The following CSTPP1 variants were observed in gnomAD, a reference collection of about 807,000 sequenced individuals.
The protein encoded by CSTPP1 is UPF0705 protein C11orf49.
At chr11:47,129,417 C>T in the CSTPP1 span, among the ~76,000 whole-genome samples, 17 of 152,154 alleles carry the variant, frequency 1.1e-4, no homozygotes, top group Admixed American at 4.6e-4. Context: ...TAGCTAGCCC[C>T]GTTGCTACTA....
the CSTPP1 span, among the ~76,000 whole-genome samples, chr11:47,073,404 GA>G: frequency 6.6e-6 from 1 of 152,174 alleles, no homozygotes; most frequent in African/African-American, 2.4e-5. Flanking sequence ...CATCGAAAAT[GA>G]AGATTAGGCT....
the CSTPP1 span, among the ~76,000 whole-genome samples, chr11:46,973,780 ATG>A: frequency 2.7e-5 from 4 of 150,692 alleles, no homozygotes; most frequent in East Asian, 1.9e-4. Context: ...TGGAGGGTGT[ATG>A]TGTGTGTGTG....
At chr11:47,105,371 G>A in the CSTPP1 span, among the ~76,000 whole-genome samples, 2 of 152,070 alleles carry the variant, frequency 1.3e-5, no homozygotes, top group African/African-American at 4.8e-5. Context: ...GTTGGGCGTG[G>A]TAGCCTGTAT....
At chr11:47,098,452 A>G in the CSTPP1 span, among the ~76,000 whole-genome samples, 2 of 151,828 alleles carry the variant, frequency 1.3e-5, no homozygotes, top group Non-Finnish European at 2.9e-5. Context: ...CCAGAGGCTT[A>G]GGAAAGACCT....
chr11:47,087,126 G>A, the CSTPP1 span, among the ~76,000 whole-genome samples: 1 of 152,164 alleles, frequency 6.6e-6, no homozygotes, highest in East Asian at 1.9e-4. Context: ...CTCCAGGAGT[G>A]TAAATCTGGA....
At chr11:47,118,168 G>A in the CSTPP1 span, among the ~76,000 whole-genome samples, 2 of 151,966 alleles carry the variant, frequency 1.3e-5, no homozygotes, top group Admixed American at 6.6e-5. Flanking sequence ...GTGAGCCACC[G>A]CGCCTGGCCT....
the CSTPP1 span, among the ~76,000 whole-genome samples, chr11:47,014,322 AAAAG>A: frequency 6.6e-6 from 1 of 151,642 alleles, no homozygotes; most frequent in Non-Finnish European, 1.5e-5. Flanking sequence ...AAGAAAGAGT[AAAAG>A]AGAGAAAGAA....
chr11:47,161,808 G>A, the CSTPP1 span: 74 of 1,405,772 alleles, frequency 5.3e-5, no homozygotes, highest in Non-Finnish European at 6.6e-5. Flanking sequence ...CCCAGCCAGT[G>A]GCCCCGGAAG....
the CSTPP1 span, among the ~76,000 whole-genome samples, chr11:46,973,780 A>ATGTGTGTGTG: frequency 0.27 from 40,546 of 150,580 alleles, 9,900 homozygotes; most frequent in African/African-American, 0.66. Flanking sequence ...TGGAGGGTGT[A>ATGTGTGTGTG]TGTGTGTGTG....
chr11:47,005,031 A>ACT, the CSTPP1 span, among the ~76,000 whole-genome samples: 44 of 152,176 alleles, frequency 2.9e-4, no homozygotes, highest in African/African-American at 1.0e-3. Context: ...TCATCTGCAC[A>ACT]CTCTCATACT....
At chr11:46,947,243 T>C in the CSTPP1 span, among the ~76,000 whole-genome samples, 4 of 152,338 alleles carry the variant, frequency 2.6e-5, no homozygotes, top group South Asian at 2.1e-4. Context: ...GTGATATGCT[T>C]TGATTAAGAC....
At chr11:46,988,263 T>TAA in the CSTPP1 span, among the ~76,000 whole-genome samples, 1 of 152,216 alleles carries the variant, frequency 6.6e-6, no homozygotes, top group East Asian at 1.9e-4. Flanking sequence ...TCAGTACTCC[T>TAA]ATGTTTGTTA....
At chr11:47,035,402 A>T in the CSTPP1 span, among the ~76,000 whole-genome samples, 1 of 152,220 alleles carries the variant, frequency 6.6e-6, no homozygotes, top group Admixed American at 6.5e-5. Context: ...ACCATGAGAG[A>T]TCACTTTTTA....
the CSTPP1 span, among the ~76,000 whole-genome samples, chr11:46,953,810 C>T: frequency 6.6e-6 from 1 of 152,048 alleles, no homozygotes; most frequent in Non-Finnish European, 1.5e-5. Context: ...CTTCACATGG[C>T]GTAATTAAAT....
chr11:46,998,991 CG>C, the CSTPP1 span, among the ~76,000 whole-genome samples: 15 of 152,052 alleles, frequency 9.9e-5, no homozygotes, highest in African/African-American at 3.4e-4. Flanking sequence ...CCGCCTGCCT[CG>C]GCCTTCCAAA....
the CSTPP1 span, among the ~76,000 whole-genome samples, chr11:47,063,068 A>G: frequency 1.2e-4 from 18 of 152,304 alleles, no homozygotes; most frequent in Non-Finnish European, 1.5e-4. Flanking sequence ...TATAATCACT[A>G]AAAGGTAAAG....
chr11:47,122,091 A>AAAAAAAAAATATAT, the CSTPP1 span, among the ~76,000 whole-genome samples: 6 of 31,836 alleles, frequency 1.9e-4, no homozygotes, highest in African/African-American at 4.9e-4. Context: ...AAAAAAAAAA[A>AAAAAAAAAATATAT]ATATATATAT....
the CSTPP1 span, chr11:47,137,891 G>C: frequency 4.5e-6 from 3 of 671,198 alleles, no homozygotes; most frequent in Non-Finnish European, 7.5e-6. Flanking sequence ...AATACATTCT[G>C]CATTTCCAAA....
chr11:47,135,191 A>G, the CSTPP1 span, among the ~76,000 whole-genome samples: 3 of 152,280 alleles, frequency 2.0e-5, no homozygotes, highest in African/African-American at 7.2e-5. Flanking sequence ...TCTCACCTCC[A>G]GAATTTGAAA....
Sources: allele counts gnomAD v4.1 joint callset (sites outside exome capture counted in the v4.1 genomes callset), GRCh38; gene constraint gnomAD v4.1.1; transcripts MANE v1.5; gene names NCBI Gene and HGNC (gene_info 2026-07-23, HGNC 2026-07-21).